MCF2L2: variants seen among roughly 807,000 people sequenced by gnomAD.
The protein encoded by MCF2L2 is MCF.2 cell line derived transforming sequence-like 2.
A neutral mutation model predicts 150.2 loss-of-function variants in MCF2L2; 102 were observed. That is an observed-to-expected ratio of 0.68 (90% confidence interval 0.58 to 0.80). The LOEUF is 0.80. MCF2L2 is among the 30% of genes least tolerant of loss of function. The pLI is 0.00. For missense variants in MCF2L2, 1,256 were observed against 1,372.8 expected, an observed-to-expected ratio of 0.91 and a Z score of 1.34; for synonymous variants, 465 against 491.3, an observed-to-expected ratio of 0.95 and a Z score of 0.71.
chr3:183,329,201 C>T (rs1354212806), intron 5 of MCF2L2, among the ~76,000 whole-genome samples: 2 of 151,676 alleles, frequency 1.3e-5, no homozygotes, highest in African/African-American at 4.8e-5. Context: ...CAGCTTTATT[C>T]TTTTTTTTTC....
intron 7 of MCF2L2, among the ~76,000 whole-genome samples, chr3:183,314,168 T>C (rs1035945905): frequency 6.6e-6 from 1 of 152,172 alleles, no homozygotes; most frequent in Non-Finnish European, 1.5e-5. Context: ...AAGCCCAAGG[T>C]GCCCGCAATT....
At chr3:183,334,975 C>T (rs1355068635) in intron 5 of MCF2L2, among the ~76,000 whole-genome samples, 3 of 151,340 alleles carry the variant, frequency 2.0e-5, no homozygotes, top group African/African-American at 7.3e-5. Context: ...CATGGTGCAG[C>T]GTGCTGGTGG....
At chr3:183,272,425 G>A (rs1726857071) in intron 15 of MCF2L2, 2 of 999,996 alleles carry the variant, frequency 2.0e-6, no homozygotes, top group Admixed American at 6.2e-5. Context: ...TCGGAAACAC[G>A]CAAAACAAAA....
chr3:183,421,035 G>C (rs977670383), intron 1 of MCF2L2, among the ~76,000 whole-genome samples: 6 of 149,838 alleles, frequency 4.0e-5, no homozygotes, highest in African/African-American at 7.5e-5. Context: ...TCTCTGATGA[G>C]AGTTGGTTGT....
At chr3:183,268,704 A>G (rs961164545) in intron 15 of MCF2L2, among the ~76,000 whole-genome samples, 1 of 152,210 alleles carries the variant, frequency 6.6e-6, no homozygotes, top group Non-Finnish European at 1.5e-5. Context: ...TTTAATTTGC[A>G]TAAAGACTTC....
chr3:183,364,663 G>A (rs1712420458), intron 3 of MCF2L2, among the ~76,000 whole-genome samples: 1 of 152,082 alleles, frequency 6.6e-6, no homozygotes, highest in African/African-American at 2.4e-5. Context: ...AGAAAAAAGA[G>A]AAGGGGAGGA....
At chr3:183,303,320 A>C (rs559641553) in intron 10 of MCF2L2, among the ~76,000 whole-genome samples, 2 of 152,340 alleles carry the variant, frequency 1.3e-5, no homozygotes, top group African/African-American at 4.8e-5. Flanking sequence ...AATGAGCTAC[A>C]TGATGCGGTG....
chr3:183,300,488 G>C (rs1317042280), intron 10 of MCF2L2, among the ~76,000 whole-genome samples: 1 of 152,162 alleles, frequency 6.6e-6, no homozygotes, highest in African/African-American at 2.4e-5. Flanking sequence ...GATTAATGGA[G>C]AATTCAGATA....
At chr3:183,330,088 A>T (rs1730205740) in intron 5 of MCF2L2, among the ~76,000 whole-genome samples, 1 of 123,296 alleles carries the variant, frequency 8.1e-6, no homozygotes, top group South Asian at 2.7e-4. Flanking sequence ...ATAAATTAAA[A>T]AAAAAAATCA....
At chr3:183,194,867 G>A (rs1317228040) in intron 26 of MCF2L2, among the ~76,000 whole-genome samples, 1 of 152,058 alleles carries the variant, frequency 6.6e-6, no homozygotes, top group Non-Finnish European at 1.5e-5. Context: ...CTGCAGCTTT[G>A]ACCTCCTGGG....
At chr3:183,280,773 G>A (rs1344024744) in intron 14 of MCF2L2, among the ~76,000 whole-genome samples, 7 of 151,418 alleles carry the variant, frequency 4.6e-5, no homozygotes, top group Middle Eastern at 3.4e-3. Flanking sequence ...GCTTGAACCC[G>A]GGAGACGGAG....
chr3:183,248,558 G>C (rs115343781), intron 15 of MCF2L2, among the ~76,000 whole-genome samples: 82 of 152,284 alleles, frequency 5.4e-4, no homozygotes, highest in African/African-American at 1.9e-3. Flanking sequence ...TTTCAGACCT[G>C]GTGCAGTGGC....
rs551962954 is a variant in MCF2L2, at chr3:183,181,041, C to T, written c.3017-882G>A. Among the ~76,000 whole-genome samples, 22 of 152,348 alleles carry T rather than the reference C, an allele frequency of 1.4e-4. No homozygotes were observed. Among genetic ancestry groups the T allele is most frequent in the African/African-American group, 5.3e-4 (22 of 41,578 alleles). On this transcript the variant is annotated intron_variant, in intron 27 of 29. Transcript: ENST00000328913. This position sits in a 1 kb window ranked among gnomAD's most constrained non-coding sequence, Gnocchi z 4.3. ...GACCGAGGGTCAGCTGAGTAGTCTACGCGGCGGGAGCCGTGCTAGGAAAGT... is the reference window on the plus strand; with the variant it reads ...GACCGAGGGTCAGCTGAGTAGTCTATGCGGCGGGAGCCGTGCTAGGAAAGT...
chr3:183,418,714 G>A (rs66981586), intron 1 of MCF2L2, among the ~76,000 whole-genome samples: 23,131 of 152,206 alleles, frequency 0.15, 2,680 homozygotes, highest in African/African-American at 0.33. Flanking sequence ...CTTTGACTTC[G>A]TGTCTCACAT....
chr3:183,398,328 T>TGAC (rs1714571017), intron 1 of MCF2L2, among the ~76,000 whole-genome samples: 1 of 152,124 alleles, frequency 6.6e-6, no homozygotes, highest in Non-Finnish European at 1.5e-5. Context: ...GGCTGCAAGG[T>TGAC]GACAACTCCA....
At position 183,227,111 on chromosome 3, in the gene MCF2L2, C is replaced by T. The variant is rs1052600157; in HGVS notation, c.2115+1186G>A. 2.0e-5 allele frequency: 3 copies of T among 152,042 alleles called. No individual in the cohort carries two copies. The highest frequency in any genetic ancestry group is 1.5e-5 in the Non-Finnish European group (1 of 68,036). 9.4% of individuals were successfully genotyped at this position (152,042 alleles called of 1,614,324 possible). ...CAACTTTAAGTTGTTTGATCTGTTG[C>T]CTTGGGTTCACAAAAATAAAAATAA... On this transcript the variant is annotated intron_variant, in intron 18 of 29. Coordinates refer to ENST00000328913, the MANE Select transcript of MCF2L2 (RefSeq NM_015078.4). This position sits in a 1 kb window ranked among gnomAD's most constrained non-coding sequence, Gnocchi z 4.0.
rs781090515 is a variant in MCF2L2 at position 183,427,920 on chromosome 3, T to C, written c.58A>G (p.Thr20Ala). 2.2e-5 allele frequency: 36 copies of C among 1,613,954 alleles called. No individual in the cohort carries two copies. Among genetic ancestry groups the C allele is most frequent in the Non-Finnish European group, 3.0e-5 (35 of 1,179,816 alleles). Residue 20 changes from threonine to alanine, a missense_variant, in exon 1 of 30, where the codon ACA (threonine) becomes GCA (alanine). Thr to Ala is a moderately conservative substitution (Grantham distance 58). Transcript: ENST00000328913. The part of the protein sequence containing the change: ...PPQELTRRLA[T>A]VITHVDEIMQ... ...CGTTTACCGACATGAGTGATCACTG[T>C]GGCCAGTCGCCGGGTGAGCTCCTGG...
At chr3:183,298,006 T>C (rs1228111789) in intron 11 of MCF2L2, 2 of 152,194 alleles carry the variant, frequency 1.3e-5, no homozygotes, top group African/African-American at 4.8e-5. Flanking sequence ...ATGTCCCTTT[T>C]AACAAAAACA....
intron 25 of MCF2L2, among the ~76,000 whole-genome samples, chr3:183,204,107 A>G (rs779022385): frequency 1.8e-4 from 28 of 152,340 alleles, no homozygotes; most frequent in Admixed American, 9.8e-4. Context: ...CACATCATAT[A>G]CAAAAATTAA....
Sources: gnomAD v4.1 joint callset for allele counts (sites outside exome capture counted in the v4.1 genomes callset) on GRCh38, gnomAD v4.1.1 for gene constraint, Gnocchi (gnomAD v3.1) non-coding constraint, MANE v1.5 for transcripts, NCBI Gene and HGNC (gene_info 2026-07-23, HGNC 2026-07-21) for gene names.